Variants in VPS53 observed in about 807,000 individuals in gnomAD.
VPS53 encodes the protein VPS53 subunit of GARP complex.
VPS53 carries 70 observed loss-of-function variants against 107.0 expected under a neutral mutation model. The observed-to-expected ratio is 0.65, with a 90% CI of 0.54 to 0.80. The LOEUF is 0.80. VPS53 is among the 30% of genes least tolerant of loss of function. The pLI is 0.00. For missense variants in VPS53, 917 were observed against 1,049.4 expected (o/e 0.87, Z 1.74); for synonymous variants, 409 against 393.3 (o/e 1.04, Z -0.47).
intron 19 of VPS53, among the ~76,000 whole-genome samples, chr17:529,384 TCACACACACACACTCACACACA>T (rs1909352188): frequency 8.5e-6 from 1 of 117,360 alleles, no homozygotes; most frequent in Non-Finnish European, 1.7e-5. Flanking sequence ...GCATATCAAT[TCACACACACACACTCACACACA>T]CACACACACA....
At chr17:531,650 C>G (rs367727441) in intron 19 of VPS53, among the ~76,000 whole-genome samples, 1 of 151,840 alleles carries the variant, frequency 6.6e-6, no homozygotes, top group Admixed American at 6.6e-5. Context: ...AGGTGTGGAC[C>G]GTTTTTTAGC....
At chr17:656,864 C>T (rs1176910950) in intron 5 of VPS53, 1 of 1,589,626 alleles carries the variant, frequency 6.3e-7, no homozygotes, top group Non-Finnish European at 8.6e-7. Context: ...GATACCCTTT[C>T]CTCGGGGAAG....
intron 4 of VPS53, among the ~76,000 whole-genome samples, chr17:678,398 G>C (rs1972248835): frequency 6.6e-6 from 1 of 151,674 alleles, no homozygotes; most frequent in Non-Finnish European, 1.5e-5. Flanking sequence ...CTCCAGACTG[G>C]GTGACAGAGT....
intron 1 of VPS53, among the ~76,000 whole-genome samples, chr17:713,428 G>A (rs1447137697): frequency 3.3e-5 from 5 of 151,946 alleles, no homozygotes; most frequent in Non-Finnish European, 7.4e-5. Flanking sequence ...CGAGGCGGGC[G>A]GATAGCCTGA....
At chr17:614,043 G>A (rs1597383003) in intron 11 of VPS53, among the ~76,000 whole-genome samples, 1 of 152,196 alleles carries the variant, frequency 6.6e-6, no homozygotes, top group South Asian at 2.1e-4. Flanking sequence ...CGTAGCATCC[G>A]TTTATGTGAA....
At chr17:679,342 C>T (rs1972299295) in intron 4 of VPS53, among the ~76,000 whole-genome samples, 1 of 151,958 alleles carries the variant, frequency 6.6e-6, no homozygotes, top group Admixed American at 6.6e-5. Context: ...GGTGAAACCC[C>T]ATCTCTACTA....
Position 557,855 on chromosome 17 carries a change from C to CTTT in VPS53, c.1704+2568_1704+2570dup, listed in dbSNP as rs773408955. Among the ~76,000 whole-genome samples the CTTT allele has an allele frequency of 2.7e-3, 341 of 125,580 alleles. 1 individual carries two copies. The highest frequency in any genetic ancestry group is 9.5e-3 in the African/African-American group (325 of 34,280). 82.4% of individuals were successfully genotyped at this position (125,580 alleles called of 152,430 possible). ...GAAAGACATTCTTTGTAAGGATTATCTTTTTTTTTTTTTTTTTTTTTAGAG... is the reference window on the plus strand; with the variant it reads ...GAAAGACATTCTTTGTAAGGATTATCTTTTTTTTTTTTTTTTTTTTTTTTAGAG... On this transcript the variant is annotated intron_variant, in intron 15 of 21. Transcript: ENST00000437048.
chr17:541,575 A>G (rs966584101), intron 17 of VPS53, among the ~76,000 whole-genome samples: 1 of 151,752 alleles, frequency 6.6e-6, no homozygotes, highest in Non-Finnish European at 1.5e-5. Context: ...TTTATCAAGC[A>G]CCTACCACGC....
At chr17:551,841 G>A in intron 17 of VPS53, 31 bp downstream of exon 17, 1 of 1,552,734 alleles carries the variant, frequency 6.4e-7, no homozygotes, top group Non-Finnish European at 8.7e-7. Context: ...GCTCTCGTTA[G>A]TTTGTAGGAT....
intron 15 of VPS53, among the ~76,000 whole-genome samples, chr17:555,001 C>T (rs1912206536): frequency 6.6e-6 from 1 of 152,126 alleles, no homozygotes; most frequent in South Asian, 2.1e-4. Context: ...ATTTAGTGAA[C>T]AAAACAGATC....
At chr17:707,243 C>A (rs544395820) in intron 2 of VPS53, among the ~76,000 whole-genome samples, 1 of 152,060 alleles carries the variant, frequency 6.6e-6, no homozygotes, top group East Asian at 1.9e-4. Flanking sequence ...CTCTGTGGGT[C>A]GGGCGCGGTG....
At position 562,897 on chromosome 17, in the gene VPS53, C is replaced by T. The variant is rs1913157259; in HGVS notation, c.1314-152G>A. The T allele has an allele frequency of 9.0e-6, 7 of 777,392 alleles. No homozygotes were observed. The South Asian group carries it at 1.3e-4, about 15-fold the overall frequency. 48.2% of individuals were successfully genotyped at this position (777,392 alleles called of 1,614,324 possible). Reference sequence around the variant, plus strand: ...TCGGATCGATTTTAATCAATATCATCATTCACTACCACCACCACTCCTACA... The same window carrying T: ...TCGGATCGATTTTAATCAATATCATTATTCACTACCACCACCACTCCTACA... On this transcript the variant is annotated intron_variant, in intron 13 of 21. Transcript: ENST00000437048.
At chr17:629,600 A>T (rs1969854521) in intron 8 of VPS53, among the ~76,000 whole-genome samples, 3 of 151,910 alleles carry the variant, frequency 2.0e-5, no homozygotes, top group South Asian at 4.2e-4. Flanking sequence ...CTACTAAAAA[A>T]AAATACAAAA....
chr17:591,592 T>A (rs1597351883), intron 12 of VPS53, among the ~76,000 whole-genome samples: 1 of 152,216 alleles, frequency 6.6e-6, no homozygotes, highest in East Asian at 1.9e-4. Flanking sequence ...TTGTTCTCGT[T>A]GGTTTCAAAG....
intron 7 of VPS53, among the ~76,000 whole-genome samples, chr17:651,015 C>T (rs990688040): frequency 6.6e-5 from 10 of 152,164 alleles, no homozygotes; most frequent in African/African-American, 2.4e-4. Context: ...AAGCCATTAA[C>T]TGAAACTATA....
chr17:608,119 C>CG (rs1292649545), intron 11 of VPS53, among the ~76,000 whole-genome samples: 1 of 152,182 alleles, frequency 6.6e-6, no homozygotes, highest in Non-Finnish European at 1.5e-5. Context: ...GAGATGGCTG[C>CG]GGGGCTTTAG....
Position 524,636 on chromosome 17 carries a change from G to A in VPS53, c.2086-2898C>T, listed in dbSNP as rs376741322. On this transcript the variant is annotated intron_variant, in intron 19 of 21. Transcript: ENST00000437048. This position sits in a 1 kb window ranked among gnomAD's most constrained non-coding sequence, Gnocchi z 4.5. Reference sequence around the variant, plus strand: ...AGGCATATGAAATGACACGCAACCTGGTTAGTAACTGGGAAATGCAAATTA... The same window carrying A: ...AGGCATATGAAATGACACGCAACCTAGTTAGTAACTGGGAAATGCAAATTA... Among the ~76,000 whole-genome samples the A allele has an allele frequency of 2.3e-4, 35 of 152,200 alleles. No homozygotes were observed. Among genetic ancestry groups the A allele is most frequent in the African/African-American group, 8.2e-4 (34 of 41,444 alleles).
chr17:543,817 G>GGA (rs1567611493), intron 17 of VPS53, among the ~76,000 whole-genome samples: 302 of 12,516 alleles, frequency 0.024, no homozygotes, highest in East Asian at 0.098. Flanking sequence ...GGAAGGAAGG[G>GGA]AGGGAGGGAG....
intron 1 of VPS53, among the ~76,000 whole-genome samples, chr17:712,120 T>C (rs981393683): frequency 6.7e-6 from 1 of 149,160 alleles, no homozygotes; most frequent in African/African-American, 2.5e-5. Flanking sequence ...CCGGCCTTCA[T>C]GGGCAATTTA....
Sources: allele counts gnomAD v4.1 joint callset (sites outside exome capture counted in the v4.1 genomes callset), GRCh38; gene constraint gnomAD v4.1.1; non-coding constraint Gnocchi (gnomAD v3.1); transcripts MANE v1.5; gene names NCBI Gene and HGNC (gene_info 2026-07-23, HGNC 2026-07-21).